The following AGO2 variants were observed in gnomAD, a reference collection of about 807,000 sequenced individuals.
AGO2 encodes argonaute RISC catalytic component 2.
Under a neutral mutation model 102.3 loss-of-function variants are expected in AGO2, and 5 were observed. That is an observed-to-expected ratio of 0.05 (90% CI 0.03 to 0.10). The LOEUF (loss-of-function observed/expected upper bound fraction) is 0.10. Ranked by LOEUF, AGO2 falls within the 10% of genes least tolerant of loss-of-function variation. AGO2 has a pLI of 1.00. For missense variants in AGO2, 541 were observed against 1,183.7 expected, an observed-to-expected ratio of 0.46 and a Z score of 7.97; for synonymous variants, 449 against 473.1, an observed-to-expected ratio of 0.95 and a Z score of 0.66.
chr8:140,563,900 C>T (rs2073240757), intron 3 of AGO2, among the ~76,000 whole-genome samples: 1 of 152,236 alleles, frequency 6.6e-6, no homozygotes, highest in Admixed American at 6.5e-5. Context: ...GGCCTCTTGC[C>T]ACACCTTGTT....
At chr8:140,571,934 A>T (rs1383239460) in intron 3 of AGO2, among the ~76,000 whole-genome samples, 1 of 152,100 alleles carries the variant, frequency 6.6e-6, no homozygotes, top group Non-Finnish European at 1.5e-5. Flanking sequence ...GGGTTTCACC[A>T]TACTGGCCAG....
intron 3 of AGO2, among the ~76,000 whole-genome samples, chr8:140,568,673 CTG>C (rs2073331811): frequency 6.6e-6 from 1 of 152,208 alleles, no homozygotes; most frequent in Non-Finnish European, 1.5e-5. Context: ...TCCTGTGACT[CTG>C]TAGGGCAGCA....
chr8:140,601,089 G>C (rs1417872613), intron 1 of AGO2, among the ~76,000 whole-genome samples: 1 of 152,136 alleles, frequency 6.6e-6, no homozygotes, highest in Non-Finnish European at 1.5e-5. Context: ...ATACCAGGAA[G>C]GGCGACTGGG....
At chr8:140,636,696 G>A (rs1048114431), upstream of AGO2, 1 of 152,236 alleles carries the variant, frequency 6.6e-6, no homozygotes, top group Non-Finnish European at 1.5e-5. Flanking sequence ...AAGAAGGGCA[G>A]GAGAACCAGC....
intron 1 of AGO2, chr8:140,626,404 A>G (rs906448558): frequency 3.3e-5 from 5 of 152,140 alleles, no homozygotes; most frequent in Non-Finnish European, 7.3e-5. Context: ...GGGAGGAGGA[A>G]CGCCCGCCCT....
rs73713172 is a variant in AGO2, at chr8:140,540,254, T to C, written c.2035-800A>G. 0.01 allele frequency among the ~76,000 whole-genome samples: 1,564 copies of C among 152,034 alleles called. 27 individuals are homozygous for C. The highest frequency in any genetic ancestry group is 0.036 in the African/African-American group (1,480 of 41,484). ...TTCCGCTCTGGACTGGGAAGGCAAA[T>C]GGGGGAGGCTGGGCTGCGTGCCATC... On this transcript the variant is annotated intron_variant, in intron 15 of 18. Coordinates refer to ENST00000220592, the MANE Select transcript of AGO2 (RefSeq NM_012154.5). This position sits in a 1 kb window ranked among gnomAD's most constrained non-coding sequence, Gnocchi z 5.0.
chr8:140,594,047 ACT>A (rs1940782126), intron 1 of AGO2, among the ~76,000 whole-genome samples: 1 of 151,906 alleles, frequency 6.6e-6, no homozygotes, highest in African/African-American at 2.4e-5. Context: ...GGTTTCCTAA[ACT>A]CTACCTCAAC....
chr8:140,602,266 TG>T (rs2073943809), intron 1 of AGO2, among the ~76,000 whole-genome samples: 1 of 152,196 alleles, frequency 6.6e-6, no homozygotes, highest in South Asian at 2.1e-4. Context: ...ATTTTCCTAC[TG>T]CATATCAAAA....
chr8:140,606,375 T>TA (rs760953565), intron 1 of AGO2, among the ~76,000 whole-genome samples: 29 of 152,212 alleles, frequency 1.9e-4, no homozygotes, highest in Non-Finnish European at 1.3e-4. Flanking sequence ...ACAGCAAGTT[T>TA]AAGTGACATG....
rs1480875865 is a variant in AGO2 at position 140,544,359 on chromosome 8, C to T, written c.1749-56G>A. On this transcript the variant is annotated intron_variant, in intron 13 of 18. Transcript: ENST00000220592. ...GTGAGACACGCCTGGACCTCTGACG[C>T]TAGTAGGTGCCACCATCACCTTTTG... 1.3e-5 allele frequency: 19 copies of T among 1,443,232 alleles called. No individual in the cohort carries two copies. In the South Asian group the frequency reaches 2.2e-4, roughly 17 times the overall value. The allele number at this position is 1,443,232 out of a possible 1,614,324, so 89.4% of individuals were successfully genotyped here.
At chr8:140,554,425 C>G (rs939300801) in intron 10 of AGO2, among the ~76,000 whole-genome samples, 3 of 152,184 alleles carry the variant, frequency 2.0e-5, no homozygotes, top group African/African-American at 4.8e-5. Context: ...GGACAAGACA[C>G]ACACGAACAG....
intron 16 of AGO2, among the ~76,000 whole-genome samples, chr8:140,538,636 A>G (rs2072739130): frequency 6.6e-6 from 1 of 152,182 alleles, no homozygotes; most frequent in Non-Finnish European, 1.5e-5. Context: ...GCCCTGCCAC[A>G]GGGACCTGCC....
rs1026043727 is a variant in AGO2, at chr8:140,527,170, A to C, written c.*4874T>G. 11 of 152,256 alleles carry C rather than the reference A, an allele frequency of 7.2e-5. No individual in the cohort carries two copies. The highest frequency in any genetic ancestry group is 1.5e-4 in the Non-Finnish European group (10 of 68,048). 9.4% of individuals were successfully genotyped at this position (152,256 alleles called of 1,614,324 possible). On this transcript the variant is annotated 3_prime_UTR_variant, in exon 19 of 19. Coordinates refer to ENST00000220592, the MANE Select transcript of AGO2 (RefSeq NM_012154.5). The surrounding 1 kb of genome is among the most constrained non-coding windows in gnomAD (Gnocchi z 6.0). ...TCTGCTTAGGACTAAATCATCAGGC[A>C]CCAAGAGACCATGTTCTCCTAGTAA... is the stretch of plus-strand genomic sequence containing the variant.
chr8:140,552,728 A>T (rs967725214), intron 10 of AGO2, among the ~76,000 whole-genome samples: 1 of 124,074 alleles, frequency 8.1e-6, no homozygotes. Flanking sequence ...ACGCACATGC[A>T]CGCGCGCGCG....
At chr8:140,553,557 A>G (rs1342655221) in intron 10 of AGO2, among the ~76,000 whole-genome samples, 2 of 151,500 alleles carry the variant, frequency 1.3e-5, no homozygotes, top group African/African-American at 4.9e-5. Flanking sequence ...TTACAGGCAT[A>G]GGCCACCACA....
intron 1 of AGO2, among the ~76,000 whole-genome samples, chr8:140,611,952 C>T (rs546146348): frequency 6.6e-5 from 10 of 152,130 alleles, no homozygotes; most frequent in Admixed American, 2.6e-4. Flanking sequence ...CGACCGGGCG[C>T]GGTGGCTCAC....
upstream of AGO2, among the ~76,000 whole-genome samples, chr8:140,638,639 AAC>A (rs1207902280): frequency 8.5e-5 from 13 of 152,230 alleles, no homozygotes; most frequent in Non-Finnish European, 1.8e-4. Flanking sequence ...TAGTGGCGAA[AAC>A]ACAGCTCATT....
At chr8:140,590,222 T>A (rs912317225) in intron 1 of AGO2, among the ~76,000 whole-genome samples, 1 of 152,174 alleles carries the variant, frequency 6.6e-6, no homozygotes, top group Non-Finnish European at 1.5e-5. Flanking sequence ...TGATGCGTTC[T>A]ACCCCCTCCC....
At chr8:140,536,755 T>C (rs2072705401) in intron 16 of AGO2, among the ~76,000 whole-genome samples, 1 of 152,000 alleles carries the variant, frequency 6.6e-6, no homozygotes, top group African/African-American at 2.4e-5. Flanking sequence ...CAAGCTGACT[T>C]CCGAGCCCTC....
Sources: gnomAD v4.1 joint callset for allele counts (sites outside exome capture counted in the v4.1 genomes callset) on GRCh38, gnomAD v4.1.1 for gene constraint, Gnocchi (gnomAD v3.1) non-coding constraint, MANE v1.5 for transcripts, NCBI Gene and HGNC (gene_info 2026-07-23, HGNC 2026-07-21) for gene names.